The following PGAP2 variants were observed in gnomAD, a reference collection of about 807,000 sequenced individuals.
The protein encoded by PGAP2 is acyltransferase PGAP2.
A neutral mutation model predicts 33.2 loss-of-function variants in PGAP2; 21 were observed. The observed-to-expected ratio is 0.63, with a 90% CI of 0.45 to 0.91. The LOEUF (loss-of-function observed/expected upper bound fraction) is 0.91, where lower values mean the gene tolerates loss of function less well. Among genes scored for constraint, PGAP2 ranks in the 40% least tolerant of loss-of-function variants. PGAP2 has a pLI of 0.00. For missense variants in PGAP2, 345 were observed against 424.0 expected (o/e 0.81, Z 1.64); for synonymous variants, 161 against 172.9 (o/e 0.93, Z 0.54).
chr11:3,805,484 A>G (rs1454914766), upstream of PGAP2, among the ~76,000 whole-genome samples: 3 of 145,456 alleles, frequency 2.1e-5, no homozygotes, highest in African/African-American at 7.6e-5. Flanking sequence ...CTGGTCTTGA[A>G]CTCCTGGGCT....
Position 3,808,581 on chromosome 11 carries a change from C to T in PGAP2, c.-81C>T. ...CGCCGTTCGCGCTCTGACCAGCCCG[C>T]AGAGCCAGCCCCCGACCCCGGGCCA... On this transcript the variant is annotated 5_prime_UTR_variant, in exon 1 of 7. Transcript: ENST00000278243. 8.8e-6 allele frequency: 12 copies of T among 1,362,690 alleles called. No homozygotes were observed. Among genetic ancestry groups the T allele is most frequent in the Non-Finnish European group, 1.1e-5 (12 of 1,058,616 alleles). 84.4% of individuals were successfully genotyped at this position (1,362,690 alleles called of 1,614,324 possible).
In PGAP2 at chr11:3,817,527, G is replaced by T. The variant is rs1460117636; in HGVS notation, c.340G>T (p.Asp114Tyr). 5 of 1,613,882 alleles carry T rather than the reference G, an allele frequency of 3.1e-6. No individual in the cohort carries two copies. The African/African-American group carries it at 6.7e-5, about 22-fold the overall frequency. The change falls in exon 3 of 7, where the codon GAC becomes TAC. Residue 114 changes from aspartate (D) to tyrosine (Y), a missense_variant. Asp to Tyr is a radical substitution (Grantham distance 160, BLOSUM62 -3). Around this residue, in one of 2 missense-constraint regions of PGAP2, gnomAD observed 311 missense variants for 353.6 expected, o/e 0.88. Transcript: ENST00000278243. ...VFHFEYTVATDCGVPNYLPSV... is the reference protein window; with the variant it reads ...VFHFEYTVATYCGVPNYLPSV... ...CCACTTTGAGTACACGGTGGCCACT[G>T]ACTGTGGGGTGAGTGCCAGCTCCCC...
At chr11:3,798,013 C>G (rs2134040674) in intron 1 of PGAP2, 1 of 1,535,756 alleles carries the variant, frequency 6.5e-7, no homozygotes, top group East Asian at 2.6e-5. Flanking sequence ...TTGCCCCGGT[C>G]CGCCGGCGCT....
rs1381169461 is a variant in PGAP2, at chr11:3,811,680, G to A, written c.165+256G>A. On this transcript the variant is annotated intron_variant, in intron 2 of 6. Transcript: ENST00000278243. The surrounding 1 kb of genome is among the most constrained non-coding windows in gnomAD (Gnocchi z 4.6). Reference sequence around the variant, plus strand: ...ACAAGTATAACAGAGTTTGACACATGTCCCACCCCATTTACTTTGATATCC... The same window carrying A: ...ACAAGTATAACAGAGTTTGACACATATCCCACCCCATTTACTTTGATATCC... Among the ~76,000 whole-genome samples the A allele has an allele frequency of 1.3e-5, 2 of 152,052 alleles. No homozygotes were observed. The highest frequency in any genetic ancestry group is 2.9e-5 in the Non-Finnish European group (2 of 68,012).
intron 1 of PGAP2, among the ~76,000 whole-genome samples, chr11:3,810,058 C>G (rs2134318669): frequency 6.6e-6 from 1 of 152,324 alleles, no homozygotes; most frequent in African/African-American, 2.4e-5. Context: ...TTGGCAACAA[C>G]AAGCCAACGT....
At position 3,811,743 on chromosome 11, in the gene PGAP2, C is replaced by T. The variant is rs1383989330; in HGVS notation, c.165+319C>T. 2.6e-5 allele frequency among the ~76,000 whole-genome samples: 4 copies of T among 152,000 alleles called. No individual in the cohort carries two copies. The highest frequency in any genetic ancestry group is 3.9e-4 in the East Asian group (2 of 5,134). ...TCTTACATCTTTCTTCCTGGCCCCGCGCCCCATATCCCTGTCCAGAGGGCA... is the reference window on the plus strand; with the variant it reads ...TCTTACATCTTTCTTCCTGGCCCCGTGCCCCATATCCCTGTCCAGAGGGCA... On this transcript the variant is annotated intron_variant, in intron 2 of 6. Transcript: ENST00000278243. This position sits in a 1 kb window ranked among gnomAD's most constrained non-coding sequence, Gnocchi z 4.6.
intron 1 of PGAP2, among the ~76,000 whole-genome samples, chr11:3,808,945 C>T (rs2084997480): frequency 6.6e-6 from 1 of 152,184 alleles, no homozygotes; most frequent in Admixed American, 6.5e-5. Context: ...GGGGTTGGAA[C>T]CCCATAGAGT....
intron 1 of PGAP2, among the ~76,000 whole-genome samples, chr11:3,798,953 T>G (rs2083046642): frequency 6.6e-6 from 1 of 152,178 alleles, no homozygotes; most frequent in South Asian, 2.1e-4. Flanking sequence ...GAACCCCTAC[T>G]TATTCTTAAA....
chr11:3,806,438 A>G (rs146591533), upstream of PGAP2, among the ~76,000 whole-genome samples: 1 of 152,134 alleles, frequency 6.6e-6, no homozygotes, highest in South Asian at 2.1e-4. Flanking sequence ...CTGAGTGCGC[A>G]CCTTCTCCAG....
rs1251153017 is a variant in PGAP2, at chr11:3,798,737, A to AG, written c.139+757dup. On this transcript the variant is annotated intron_variant, in intron 1 of 6. Coordinates refer to the PGAP2 transcript ENST00000300730. ...CGGCTCACTGCAATCTCCGCCTCCC[A>AG]GGTACAAGAGAGTCTCCTGTCGTAG... Among the ~76,000 whole-genome samples the AG allele has an allele frequency of 1.4e-5, 2 of 144,966 alleles. 1 individual carries two copies. Among genetic ancestry groups the AG allele is most frequent in the Admixed American group, 1.4e-4 (2 of 14,286 alleles).
At position 3,802,211 on chromosome 11, in the gene PGAP2, G is replaced by A. The variant is rs141361091; in HGVS notation, c.139+4229G>A. ...ACTTGTGGAAAGACTGGAGGAATAC[G>A]TACTGGATGAGGAATACTCCAAGGA... On this transcript the variant is annotated intron_variant, in intron 1 of 6. Transcript: ENST00000300730. Among the ~76,000 whole-genome samples, 316 of 152,112 alleles carry A rather than the reference G, an allele frequency of 2.1e-3. 1 individual carries two copies. The highest frequency in any genetic ancestry group is 6.7e-3 in the African/African-American group (278 of 41,510).
upstream of PGAP2, chr11:3,808,509 C>G: frequency 7.2e-7 from 1 of 1,398,126 alleles, no homozygotes; most frequent in Non-Finnish European, 9.3e-7. Context: ...AGGATCTGGG[C>G]GCAGTTTCCT....
chr11:3,824,700 C>T (rs762555015), intron 5 of PGAP2: 87 of 932,274 alleles, frequency 9.3e-5, no homozygotes, highest in Non-Finnish European at 1.3e-4. Flanking sequence ...AATTCCAGCG[C>T]CCCACCCATG....
chr11:3,808,161 G>A, upstream of PGAP2: 1 of 1,462,126 alleles, frequency 6.8e-7, no homozygotes, highest in Non-Finnish European at 9.3e-7. Context: ...CCAGGGCTGG[G>A]AGGAAACTGG....
At chr11:3,823,019 C>CTTT in intron 3 of PGAP2, 4 of 384,998 alleles carry the variant, frequency 1.0e-5, no homozygotes, top group South Asian at 5.3e-5. Flanking sequence ...TTTCTTTTTT[C>CTTT]TTTTCTTTTT....
At chr11:3,804,861 C>T (rs1590142971), upstream of PGAP2, among the ~76,000 whole-genome samples, 1 of 152,260 alleles carries the variant, frequency 6.6e-6, no homozygotes, top group East Asian at 1.9e-4. Context: ...GCCACCAGGC[C>T]TGGCTAATTT....
At chr11:3,798,063 C>T (rs1454919303) in intron 1 of PGAP2, 1 of 1,511,596 alleles carries the variant, frequency 6.6e-7, no homozygotes, top group African/African-American at 1.4e-5. Context: ...GCACTTCCCG[C>T]CCAGACCACG....
At chr11:3,815,848 A>G (rs965353360) in intron 2 of PGAP2, among the ~76,000 whole-genome samples, 21 of 152,288 alleles carry the variant, frequency 1.4e-4, no homozygotes, top group South Asian at 1.2e-3. Flanking sequence ...TGCTTCTGTC[A>G]TCATAGGATT....
upstream of PGAP2, chr11:3,808,348 C>G: frequency 6.4e-7 from 1 of 1,551,064 alleles, no homozygotes; most frequent in Non-Finnish European, 8.7e-7. Context: ...CCAACATGCT[C>G]AAACTCAGGT....
Sources: allele counts gnomAD v4.1 joint callset (sites outside exome capture counted in the v4.1 genomes callset), GRCh38; gene constraint gnomAD v4.1.1; regional missense constraint gnomAD v4.1.1; non-coding constraint Gnocchi (gnomAD v3.1); transcripts MANE v1.5; gene names NCBI Gene and HGNC (gene_info 2026-07-23, HGNC 2026-07-21).